NFAM1: variants seen among roughly 807,000 people sequenced by gnomAD.
The protein encoded by NFAM1 is NFAT activating protein with ITAM motif 1, also known as NFAT activation molecule 1.
Under a neutral mutation model 29.0 loss-of-function variants are expected in NFAM1, and 17 were observed. That is an observed-to-expected ratio of 0.59 (90% CI 0.40 to 0.88). The LOEUF (loss-of-function observed/expected upper bound fraction) is 0.88, where lower values mean the gene tolerates loss of function less well. NFAM1 is among the 40% of genes least tolerant of loss of function. The pLI is 0.00. For synonymous variants in NFAM1, 175 were observed against 147.2 expected, an observed-to-expected ratio of 1.19 and a Z score of -1.36; for missense variants, 324 against 344.6, an observed-to-expected ratio of 0.94 and a Z score of 0.47.
upstream of NFAM1, among the ~76,000 whole-genome samples, chr22:42,434,850 C>G (rs1251950884): frequency 1.3e-5 from 2 of 152,208 alleles, no homozygotes; most frequent in African/African-American, 4.8e-5. Flanking sequence ...GGGGACCACA[C>G]GTCTCAGCCA....
At chr22:42,408,684 C>T (rs1333346340) in intron 3 of NFAM1, among the ~76,000 whole-genome samples, 2 of 152,248 alleles carry the variant, frequency 1.3e-5, no homozygotes, top group Non-Finnish European at 2.9e-5. Flanking sequence ...TGCTGCCAGG[C>T]AGGGAGGGTG....
Position 42,384,874 on chromosome 22 carries a change from G to T in NFAM1, c.*287C>A. On this transcript the variant is annotated 3_prime_UTR_variant, in exon 6 of 6. Coordinates refer to ENST00000329021, the MANE Select transcript of NFAM1 (RefSeq NM_145912.8). ...CTGGGCAAGGGTGGCATCCAGGAAAGCCCTTGAAGACTGAGGGGCGCTTTG... is the reference window on the plus strand; with the variant it reads ...CTGGGCAAGGGTGGCATCCAGGAAATCCCTTGAAGACTGAGGGGCGCTTTG... 1 of 514,228 alleles carries T rather than the reference G, an allele frequency of 1.9e-6. No homozygotes were observed. The highest frequency in any genetic ancestry group is 3.5e-6 in the Non-Finnish European group (1 of 282,632). 31.9% of individuals were successfully genotyped at this position (514,228 alleles called of 1,614,324 possible).
intron 4 of NFAM1, among the ~76,000 whole-genome samples, chr22:42,396,174 T>C (rs1929519089): frequency 6.6e-6 from 1 of 152,152 alleles, no homozygotes; most frequent in Non-Finnish European, 1.5e-5. Context: ...CTGCAGGCAG[T>C]TAGGTCTGTT....
rs182402761 is a variant in NFAM1, at chr22:42,430,508, C to T, written c.121+1729G>A. ...CCAGGAGGCAGAGGTTGCCGTGAACCAAGATGGCGCCATTGCACTTCAGCC... is the reference window on the plus strand; with the variant it reads ...CCAGGAGGCAGAGGTTGCCGTGAACTAAGATGGCGCCATTGCACTTCAGCC... On this transcript the variant is annotated intron_variant, in intron 1 of 5. Coordinates refer to ENST00000329021, the MANE Select transcript of NFAM1 (RefSeq NM_145912.8). Among the ~76,000 whole-genome samples, 60 of 132,698 alleles carry T rather than the reference C, an allele frequency of 4.5e-4. 1 individual carries two copies. Among genetic ancestry groups the T allele is most frequent in the African/African-American group, 1.6e-3 (55 of 33,836 alleles). The allele number at this position is 132,698 out of a possible 152,430, so 87.1% of individuals were successfully genotyped here.
Position 42,409,596 on chromosome 22 carries a change from C to T in NFAM1, c.452-49G>A, listed in dbSNP as rs372665425. The stretch of plus-strand genomic sequence containing the variant: ...GAGGGGTCAGTGACCCAGGAGAAAG[C>T]GGGGCACACACACCTGATGTTCTCC... On this transcript the variant is annotated intron_variant, in intron 2 of 5. Transcript: ENST00000329021. This position sits in a 1 kb window ranked among gnomAD's most constrained non-coding sequence, Gnocchi z 4.9. The T allele has an allele frequency of 5.3e-4, 482 of 905,650 alleles. No individual in the cohort carries two copies. Among genetic ancestry groups the T allele is most frequent in the Non-Finnish European group, 7.0e-4 (426 of 610,662 alleles). The allele number at this position is 905,650 out of a possible 1,614,324, so 56.1% of individuals were successfully genotyped here.
At chr22:42,418,845 C>G (rs1023298394) in intron 1 of NFAM1, among the ~76,000 whole-genome samples, 1 of 152,180 alleles carries the variant, frequency 6.6e-6, no homozygotes, top group African/African-American at 2.4e-5. Flanking sequence ...GTCCCTGTCC[C>G]GGGCGCTGGC....
chr22:42,409,490 G>T lies in NFAM1; in HGVS notation c.509C>A (p.Thr170Asn). ...SPQKLLLFGF[T>N]GLLSVLSVVG... The stretch of plus-strand genomic sequence containing the variant: ...TACACTCAGGACACTCAGGAGGCCG[G>T]TGAAGCCAAAGAGCAGGAGCTTCTG... The change falls in exon 3 of 6, where the codon ACC (threonine) becomes AAC (asparagine). Residue 170 changes from threonine to asparagine, a missense_variant. Coordinates refer to ENST00000329021, the MANE Select transcript of NFAM1 (RefSeq NM_145912.8). The surrounding 1 kb of genome is among the most constrained non-coding windows in gnomAD (Gnocchi z 4.9). The T allele has an allele frequency of 6.4e-7, 1 of 1,570,140 alleles. No individual in the cohort carries two copies. Among genetic ancestry groups the T allele is most frequent in the Non-Finnish European group, 8.6e-7 (1 of 1,157,160 alleles).
intron 1 of NFAM1, among the ~76,000 whole-genome samples, chr22:42,431,775 T>TCCCCCCC (rs34684252): frequency 7.5e-5 from 11 of 146,692 alleles, no homozygotes; most frequent in East Asian, 2.0e-4. Context: ...GGCCCTGGTA[T>TCCCCCCC]CCCCCCCTCC....
At chr22:42,417,700 A>AG (rs771863654) in intron 1 of NFAM1, among the ~76,000 whole-genome samples, 9 of 152,126 alleles carry the variant, frequency 5.9e-5, no homozygotes, top group Non-Finnish European at 8.8e-5. Context: ...AGTTTGGCCC[A>AG]GGGGGAGTTT....
At chr22:42,420,211 T>C (rs1026142613) in intron 1 of NFAM1, among the ~76,000 whole-genome samples, 2 of 151,782 alleles carry the variant, frequency 1.3e-5, no homozygotes, top group African/African-American at 4.8e-5. Context: ...GGTTTCACCA[T>C]GTTGGCCAGG....
At chr22:42,402,241 C>T (rs1407510584) in intron 3 of NFAM1, among the ~76,000 whole-genome samples, 1 of 152,216 alleles carries the variant, frequency 6.6e-6, no homozygotes, top group Non-Finnish European at 1.5e-5. Context: ...CCGAGCACAA[C>T]TCCAAGGCTT....
chr22:42,405,173 T>C (rs117584024), intron 3 of NFAM1, among the ~76,000 whole-genome samples: 1,580 of 152,264 alleles, frequency 0.01, 16 homozygotes, highest in South Asian at 0.021. Flanking sequence ...TTACTAATAC[T>C]GTGATCCAGT....
chr22:42,431,912 C>G (rs900028084), intron 1 of NFAM1, among the ~76,000 whole-genome samples: 9 of 152,222 alleles, frequency 5.9e-5, no homozygotes, highest in Middle Eastern at 3.4e-3. Context: ...AGCTGTCCCT[C>G]CCCCCTGCCC....
Position 42,384,995 on chromosome 22 carries a change from TG to T in NFAM1, c.*165del. ...AAGCCTTGGTGGTTGGGGCATAGAA[TG>T]GGGGGGCAGTGGGGCCGGCCAAGAC... On this transcript the variant is annotated 3_prime_UTR_variant, in exon 6 of 6. Transcript: ENST00000329021. The T allele has an allele frequency of 1.0e-5, 7 of 690,142 alleles. No individual in the cohort carries two copies. The highest frequency in any genetic ancestry group is 1.8e-5 in the Non-Finnish European group (7 of 382,612). 42.8% of individuals were successfully genotyped at this position (690,142 alleles called of 1,614,324 possible).
chr22:42,432,554 AC>A, upstream of NFAM1: 1 of 265,428 alleles, frequency 3.8e-6, no homozygotes, highest in Non-Finnish European at 5.8e-6. Context: ...AGGCCACACA[AC>A]CAGAAGAAGA....
intron 1 of NFAM1, 84 bp from the exon 2 acceptor site, chr22:42,411,820 G>A (rs780006910): frequency 2.0e-5 from 18 of 908,038 alleles, no homozygotes; most frequent in East Asian, 5.2e-5. Context: ...GCTCACGACC[G>A]GGTGCGGTGG....
intron 1 of NFAM1, among the ~76,000 whole-genome samples, chr22:42,412,582 G>C (rs1004491625): frequency 1.3e-5 from 2 of 152,236 alleles, no homozygotes; most frequent in Non-Finnish European, 2.9e-5. Flanking sequence ...CCTGAGAAGA[G>C]AGAAAGCTGG....
At chr22:42,387,230 C>T in intron 4 of NFAM1, 152 bp from the exon 5 acceptor site, 1 of 498,242 alleles carries the variant, frequency 2.0e-6, no homozygotes, top group East Asian at 3.5e-5. Flanking sequence ...CACCCCCTTT[C>T]CCAGAGTCAC....
At chr22:42,402,151 G>A (rs567902162) in intron 3 of NFAM1, among the ~76,000 whole-genome samples, 225 of 152,334 alleles carry the variant, frequency 1.5e-3, no homozygotes, top group African/African-American at 5.2e-3. Flanking sequence ...GGACGCCTAG[G>A]AAGCCCCGGG....
Sources: allele counts gnomAD v4.1 joint callset (sites outside exome capture counted in the v4.1 genomes callset), GRCh38; gene constraint gnomAD v4.1.1; non-coding constraint Gnocchi (gnomAD v3.1); transcripts MANE v1.5; gene names NCBI Gene and HGNC (gene_info 2026-07-23, HGNC 2026-07-21).